CRLS1: variants seen among roughly 807,000 people sequenced by gnomAD.
The protein encoded by CRLS1 is cardiolipin synthase (CMP-forming).
CRLS1 carries 24 observed loss-of-function variants against 37.0 expected under a neutral mutation model. The ratio of observed to expected loss-of-function variants is 0.65; its 90% confidence interval spans 0.47 to 0.91. The LOEUF (loss-of-function observed/expected upper bound fraction) is 0.91, where lower values mean the gene tolerates loss of function less well. Ranked by LOEUF, CRLS1 falls within the 40% of genes least tolerant of loss-of-function variation. CRLS1 has a pLI of 0.00. For synonymous variants in CRLS1, 135 were observed against 159.7 expected (o/e 0.85, Z 1.17); for missense variants, 373 against 395.8 (o/e 0.94, Z 0.49).
chr20:6,027,185 G>A (rs1979777620), intron 3 of CRLS1, among the ~76,000 whole-genome samples: 1 of 150,734 alleles, frequency 6.6e-6, no homozygotes, highest in African/African-American at 2.4e-5. Flanking sequence ...CCGGGTTCAA[G>A]TGATTCTCCT....
At position 6,006,537 on chromosome 20, in the gene CRLS1, G is replaced by T; in HGVS notation, c.291G>T (p.Ala97=). 1 of 1,322,284 alleles carries T rather than the reference G, an allele frequency of 7.6e-7. No homozygotes were observed. The highest frequency in any genetic ancestry group is 2.1e-5 in the South Asian group (1 of 46,708). The allele number at this position is 1,322,284 out of a possible 1,614,324, so 81.9% of individuals were successfully genotyped here. A position where few individuals can be genotyped will look rare whatever the true frequency, so the allele number is the denominator to read the frequency against. ...CCCCGGGCGGCCAGTGGGGCCCGGC[G>T]AGCACCCCCAGCCTGGTACGTACCG... ...AEAPGGQWGP[A]STPSLYENPW... Residue 97 remains alanine, a synonymous_variant, in exon 1 of 7, where the codon GCG becomes GCT. Coordinates refer to ENST00000378863, the MANE Select transcript of CRLS1 (RefSeq NM_019095.6).
At chr20:6,024,561 A>T (rs2041514611) in intron 3 of CRLS1, among the ~76,000 whole-genome samples, 1 of 152,212 alleles carries the variant, frequency 6.6e-6, no homozygotes, top group Non-Finnish European at 1.5e-5. Flanking sequence ...AATTAGACCA[A>T]TTAATAACCC....
Position 6,037,636 on chromosome 20 carries a change from T to C in CRLS1, c.*478T>C, listed in dbSNP as rs973858408. 1 of 152,266 alleles carries C rather than the reference T, an allele frequency of 6.6e-6. No homozygotes were observed. Among genetic ancestry groups the C allele is most frequent in the Non-Finnish European group, 1.5e-5 (1 of 68,080 alleles). The allele number at this position is 152,266 out of a possible 1,614,324, so 9.4% of individuals were successfully genotyped here. ...ATTAACAGTTCATGTAATTAATACC[T>C]GATCATTTGGGATAATGAAAGTGAA... On this transcript the variant is annotated 3_prime_UTR_variant, in exon 7 of 7. Transcript: ENST00000378863.
chr20:6,009,181 G>A (rs543166662), intron 1 of CRLS1, among the ~76,000 whole-genome samples: 3 of 152,198 alleles, frequency 2.0e-5, no homozygotes, highest in East Asian at 1.9e-4. Flanking sequence ...AAATTAGCTG[G>A]GCATGGTGGC....
chr20:6,006,535 G>T lies in CRLS1; in HGVS notation c.289G>T (p.Ala97Ser). The T allele has an allele frequency of 2.3e-6, 3 of 1,323,020 alleles. No homozygotes were observed. Among genetic ancestry groups the T allele is most frequent in the Non-Finnish European group, 2.9e-6 (3 of 1,045,352 alleles). The allele number at this position is 1,323,020 out of a possible 1,614,324, so 82.0% of individuals were successfully genotyped here. ...AGCCCCGGGCGGCCAGTGGGGCCCG[G>T]CGAGCACCCCCAGCCTGGTACGTAC... ...AEAPGGQWGP[A>S]STPSLYENPW... The change falls in exon 1 of 7, where the codon GCG becomes TCG. Residue 97 changes from alanine (A) to serine (S), a missense_variant. Coordinates refer to ENST00000378863, the MANE Select transcript of CRLS1 (RefSeq NM_019095.6).
intron 3 of CRLS1, chr20:6,026,049 A>G (rs1979662495): frequency 6.6e-6 from 1 of 152,254 alleles, no homozygotes; most frequent in East Asian, 1.9e-4. Flanking sequence ...ATTAACTTCA[A>G]TTTTGAAGGA....
At position 6,039,806 on chromosome 20, in the gene CRLS1, T is replaced by C. The variant is rs547428774; in HGVS notation, c.*2648T>C. 1.3e-5 allele frequency: 2 copies of C among 150,590 alleles called. No individual in the cohort carries two copies. Among genetic ancestry groups the C allele is most frequent in the African/African-American group, 2.4e-5 (1 of 40,974 alleles). The allele number at this position is 150,590 out of a possible 1,614,324, so 9.3% of individuals were successfully genotyped here. ...TGCCGTGAGATGATGGAGGGATAGA[T>C]TGGAATGATGTCTGCGAGCTAAGGA... On this transcript the variant is annotated 3_prime_UTR_variant, in exon 7 of 7. Coordinates refer to ENST00000378863, the MANE Select transcript of CRLS1 (RefSeq NM_019095.6).
intron 2 of CRLS1, among the ~76,000 whole-genome samples, 171 bp downstream of exon 2, chr20:6,010,083 T>G (rs1258220279): frequency 2.0e-5 from 3 of 152,054 alleles, no homozygotes; most frequent in African/African-American, 7.2e-5. Flanking sequence ...TGGGATTTTT[T>G]TTTTTTTTTT....
intron 3 of CRLS1, chr20:6,015,693 A>G: frequency 1.9e-6 from 1 of 517,402 alleles, no homozygotes; most frequent in Non-Finnish European, 3.5e-6. Flanking sequence ...TACTAGTAAA[A>G]TCAGTTGCTT....
At chr20:6,032,395 T>C (rs73603059) in intron 5 of CRLS1, among the ~76,000 whole-genome samples, 16,084 of 150,710 alleles carry the variant, frequency 0.11, 1,003 homozygotes, top group Middle Eastern at 0.22. Flanking sequence ...GACAAGGTCT[T>C]ACTTTGTTGC....
intron 3 of CRLS1, among the ~76,000 whole-genome samples, chr20:6,019,390 A>G (rs2122962168): frequency 6.6e-6 from 1 of 152,120 alleles, no homozygotes. Flanking sequence ...TTATTTACTT[A>G]CTACTCCTTG....
At chr20:6,035,055 A>G (rs1198129427) in intron 6 of CRLS1, among the ~76,000 whole-genome samples, 1 of 152,236 alleles carries the variant, frequency 6.6e-6, no homozygotes. Flanking sequence ...AAAGTGTGTC[A>G]AATTCACGCT....
At position 6,006,548 on chromosome 20, in the gene CRLS1, G is replaced by A. The variant is rs1291067289; in HGVS notation, c.302G>A (p.Ser101Asn). Residue 101 changes from serine (S) to asparagine (N), a missense_variant, in exon 1 of 7, where the codon AGC becomes AAC. Ser to Asn is a conservative substitution (Grantham distance 46, BLOSUM62 1). Transcript: ENST00000378863. ...GGQWGPASTP[S>N]LYENPWTIPN... ...CAGTGGGGCCCGGCGAGCACCCCCA[G>A]CCTGGTACGTACCGATGAGGCGGCG... 4.6e-6 allele frequency: 6 copies of A among 1,303,008 alleles called. No homozygotes were observed. In the African/African-American group the frequency reaches 9.4e-5, roughly 20 times the overall value. 80.7% of individuals were successfully genotyped at this position (1,303,008 alleles called of 1,614,324 possible).
At chr20:6,015,263 A>G (rs989985439) in intron 2 of CRLS1, 98 bp from the exon 3 acceptor site, 2 of 646,480 alleles carry the variant, frequency 3.1e-6, no homozygotes, top group Admixed American at 3.5e-5. Context: ...ACATTTTATG[A>G]GAGTATAATT....
chr20:6,024,851 A>G (rs1007627538), intron 3 of CRLS1, among the ~76,000 whole-genome samples: 4 of 152,230 alleles, frequency 2.6e-5, no homozygotes, highest in Admixed American at 1.3e-4. Context: ...CAGCCAAAAC[A>G]TGTCCTTAAG....
At chr20:6,016,595 A>G (rs994461209) in intron 3 of CRLS1, among the ~76,000 whole-genome samples, 6 of 152,108 alleles carry the variant, frequency 3.9e-5, no homozygotes, top group Non-Finnish European at 7.4e-5. Flanking sequence ...CATTTTTTCA[A>G]AGTTACATTG....
intron 2 of CRLS1, among the ~76,000 whole-genome samples, chr20:6,012,936 C>G (rs1978447738): frequency 6.6e-6 from 1 of 152,138 alleles, no homozygotes; most frequent in Non-Finnish European, 1.5e-5. Flanking sequence ...GTCAGGTACT[C>G]TAAAAATGCG....
In CRLS1 at chr20:6,015,380, G is replaced by A. The variant is rs369155508; in HGVS notation, c.464G>A (p.Arg155Gln). The A allele has an allele frequency of 4.4e-6, 7 of 1,598,926 alleles. No individual in the cohort carries two copies. Among genetic ancestry groups the A allele is most frequent in the East Asian group, 2.3e-5 (1 of 44,278 alleles). ...LTDLLDGFIARNWANQRSALG... is the reference protein window; with the variant it reads ...LTDLLDGFIAQNWANQRSALG... ...TTTCAGTTGGATGGATTTATTGCTC[G>A]AAACTGGGCCAATCAAAGATCAGCT... Residue 155 changes from arginine to glutamine, a missense_variant, in exon 3 of 7, where the codon CGA (arginine) becomes CAA (glutamine). Transcript: ENST00000378863.
Position 6,006,286 on chromosome 20 carries a change from C to T in CRLS1, c.40C>T (p.Leu14=). 1 of 1,284,554 alleles carries T rather than the reference C, an allele frequency of 7.8e-7. No individual in the cohort carries two copies. The highest frequency in any genetic ancestry group is 2.6e-5 in the South Asian group (1 of 38,122). 79.6% of individuals were successfully genotyped at this position (1,284,554 alleles called of 1,614,324 possible). Residue 14 remains leucine (L), a synonymous_variant, in exon 1 of 7, where the codon CTG becomes TTG. Coordinates refer to ENST00000378863, the MANE Select transcript of CRLS1 (RefSeq NM_019095.6). ...LRVARGSWGA[L]RGAAWAPGTR... is the part of the protein sequence containing the mutation. ...CGTGGCGCGCGGCTCGTGGGGGGCC[C>T]TGCGCGGCGCCGCTTGGGCTCCGGG... is the stretch of plus-strand genomic sequence containing the variant.
Sources: allele counts gnomAD v4.1 joint callset (sites outside exome capture counted in the v4.1 genomes callset), GRCh38; gene constraint gnomAD v4.1.1; transcripts MANE v1.5; gene names NCBI Gene and HGNC (gene_info 2026-07-23, HGNC 2026-07-21).